CWH43: variants seen among roughly 807,000 people sequenced by gnomAD.
CWH43 encodes the protein PGAP2-interacting protein.
Under a neutral mutation model 85.7 loss-of-function variants are expected in CWH43, and 91 were observed. The observed-to-expected ratio is 1.06, with a 90% CI of 0.90 to 1.26. CWH43 has a LOEUF of 1.26. Among genes scored for constraint, CWH43 ranks in the 50% most tolerant of loss-of-function variants. The probability of loss-of-function intolerance (pLI) is 0.00; values close to 1 mark genes in which losing one functional copy is unlikely to be tolerated. For missense variants in CWH43, 869 were observed against 839.2 expected (o/e 1.04, Z -0.44); for synonymous variants, 323 against 293.6 (o/e 1.10, Z -1.02).
chr4:49,020,615 T>C (rs1783722750), intron 9 of CWH43, among the ~76,000 whole-genome samples: 1 of 152,112 alleles, frequency 6.6e-6, no homozygotes, highest in African/African-American at 2.4e-5. Flanking sequence ...CTATTTTTAG[T>C]TCTTTAAGGA....
chr4:49,048,562 T>C (rs1784702077), intron 14 of CWH43, among the ~76,000 whole-genome samples: 2 of 152,022 alleles, frequency 1.3e-5, no homozygotes, highest in African/African-American at 2.4e-5. Flanking sequence ...AGGGTTGGTG[T>C]CTGGTTAGGA....
chr4:49,058,192 T>C (rs1577719324), intron 15 of CWH43, among the ~76,000 whole-genome samples: 1 of 152,218 alleles, frequency 6.6e-6, no homozygotes, highest in African/African-American at 2.4e-5. Flanking sequence ...TTTTCCCTTA[T>C]GATTTGATGA....
intron 8 of CWH43, among the ~76,000 whole-genome samples, chr4:49,011,393 G>C (rs987565400): frequency 6.6e-6 from 1 of 152,044 alleles, no homozygotes; most frequent in Non-Finnish European, 1.5e-5. Context: ...TGGGTCTCCT[G>C]AATACAGCAC....
intron 14 of CWH43, among the ~76,000 whole-genome samples, chr4:49,049,245 A>T (rs1784721398): frequency 6.6e-6 from 1 of 152,160 alleles, no homozygotes; most frequent in Non-Finnish European, 1.5e-5. Context: ...TCACAGCTCT[A>T]CTTACCTTTC....
chr4:49,016,319 A>G (rs1783544373), intron 8 of CWH43, among the ~76,000 whole-genome samples: 1 of 152,034 alleles, frequency 6.6e-6, no homozygotes, highest in South Asian at 2.1e-4. Context: ...AGTGGTTCGC[A>G]TACAGAGCAC....
chr4:49,025,218 C>G (rs1218266141), intron 9 of CWH43, among the ~76,000 whole-genome samples: 2 of 151,558 alleles, frequency 1.3e-5, no homozygotes, highest in Non-Finnish European at 2.9e-5. Context: ...TTTTATTTAT[C>G]CTACCTATTT....
intron 6 of CWH43, among the ~76,000 whole-genome samples, chr4:49,001,540 CT>C (rs1380344892): frequency 1.3e-5 from 2 of 152,042 alleles, no homozygotes; most frequent in Non-Finnish European, 2.9e-5. Flanking sequence ...TGTAGGGTAT[CT>C]CTGGAAGGAT....
chr4:49,053,388 A>T (rs1157830280), intron 15 of CWH43, among the ~76,000 whole-genome samples: 2 of 152,184 alleles, frequency 1.3e-5, no homozygotes, highest in Non-Finnish European at 2.9e-5. Flanking sequence ...TAATATGGCT[A>T]TACTAATTTA....
chr4:49,001,278 A>G (rs1782980552), intron 6 of CWH43, among the ~76,000 whole-genome samples: 1 of 152,192 alleles, frequency 6.6e-6, no homozygotes, highest in South Asian at 2.1e-4. Flanking sequence ...ATTTTACTAT[A>G]TGGAAAACTT....
In CWH43 at chr4:48,993,922, CT is replaced by C. The variant is rs368510967; in HGVS notation, c.512-686del. On this transcript the variant is annotated intron_variant, in intron 4 of 15. Transcript: ENST00000226432. ...GGCGTCTGCCACCGTGCCCGGCTAA[CT>C]TTTTTTTTTTGTATTTTTAGTAGAG... is the stretch of plus-strand genomic sequence containing the variant. Among the ~76,000 whole-genome samples the C allele has an allele frequency of 1.2e-3, 172 of 146,400 alleles. 2 individuals carry two copies. Among genetic ancestry groups the C allele is most frequent in the South Asian group, 8.8e-4 (4 of 4,560 alleles).
intron 15 of CWH43, among the ~76,000 whole-genome samples, chr4:49,054,429 A>G (rs537579277): frequency 1.3e-5 from 2 of 152,166 alleles, no homozygotes; most frequent in African/African-American, 4.8e-5. Context: ...GTATTTTGGA[A>G]TCTGGTAGCG....
At chr4:49,040,522 T>C (rs1442786197) in intron 13 of CWH43, among the ~76,000 whole-genome samples, 2 of 152,252 alleles carry the variant, frequency 1.3e-5, no homozygotes, top group Non-Finnish European at 2.9e-5. Context: ...CATGTGTCTT[T>C]TGGCTGCATA....
At chr4:49,023,000 T>C (rs1783798408) in intron 9 of CWH43, among the ~76,000 whole-genome samples, 1 of 152,212 alleles carries the variant, frequency 6.6e-6, no homozygotes, top group African/African-American at 2.4e-5. Flanking sequence ...GTTTCATTTA[T>C]CTTTTGTATT....
At chr4:49,003,661 C>T in intron 6 of CWH43, 74 bp from the exon 7 acceptor site, 2 of 1,498,672 alleles carry the variant, frequency 1.3e-6, no homozygotes, top group Non-Finnish European at 9.2e-7. Flanking sequence ...CTGTTCTGGT[C>T]CTAAAGGCTA....
At chr4:49,028,827 AT>A in intron 10 of CWH43, 93 bp downstream of exon 10, 2 of 768,016 alleles carry the variant, frequency 2.6e-6, no homozygotes, top group Non-Finnish European at 4.2e-6. Context: ...TAATGCAGGT[AT>A]TAGATTAAAT....
chr4:49,050,906 C>A, intron 15 of CWH43, 57 bp downstream of exon 15: 4 of 1,205,282 alleles, frequency 3.3e-6, no homozygotes, highest in South Asian at 3.1e-5. Flanking sequence ...TCTATGGAAC[C>A]TACATATTAC....
At chr4:49,005,531 A>C (rs1186100761) in intron 7 of CWH43, among the ~76,000 whole-genome samples, 1 of 151,424 alleles carries the variant, frequency 6.6e-6, no homozygotes, top group Non-Finnish European at 1.5e-5. Flanking sequence ...GGAGAAGTGA[A>C]GGCTTCTATT....
At chr4:49,002,248 G>A (rs1783012819) in intron 6 of CWH43, among the ~76,000 whole-genome samples, 1 of 152,098 alleles carries the variant, frequency 6.6e-6, no homozygotes, top group African/African-American at 2.4e-5. Flanking sequence ...GACAAAAAAA[G>A]ATGTTCATCA....
chr4:48,988,757 T>A lies in CWH43; in HGVS notation c.235+89T>A, dbSNP rs531485507. On this transcript the variant is annotated intron_variant, in intron 2 of 15. Coordinates refer to ENST00000226432, the MANE Select transcript of CWH43 (RefSeq NM_025087.3). Reference sequence around the variant, plus strand: ...AGACTGTTCTTTGAATACTAAATATTTGAATTTAAAAAATCAAAGATTTCT... The same window carrying A: ...AGACTGTTCTTTGAATACTAAATATATGAATTTAAAAAATCAAAGATTTCT... The A allele has an allele frequency of 3.4e-4, 269 of 789,772 alleles. 4 individuals carry two copies. In the South Asian group the frequency reaches 6.7e-3, roughly 20 times the overall value. 48.9% of individuals were successfully genotyped at this position (789,772 alleles called of 1,614,324 possible). A position where few individuals can be genotyped will look rare whatever the true frequency, so the allele number is the denominator to read the frequency against.
Sources: gnomAD v4.1 joint callset for allele counts (sites outside exome capture counted in the v4.1 genomes callset) on GRCh38, gnomAD v4.1.1 for gene constraint, MANE v1.5 for transcripts, NCBI Gene and HGNC (gene_info 2026-07-23, HGNC 2026-07-21) for gene names.